XXYLT1: variants seen among roughly 807,000 people sequenced by gnomAD.
XXYLT1 encodes the protein UDP-xylose:alpha-xyloside alpha-1,3-xylosyltransferase.
In XXYLT1, 20 loss-of-function variants were observed where a neutral mutation model predicts 28.9. The ratio of observed to expected loss-of-function variants is 0.69; its 90% confidence interval spans 0.49 to 1.00. XXYLT1 has a LOEUF of 1.00. XXYLT1 is among the 50% of genes least tolerant of loss of function. XXYLT1 has a pLI of 0.00. For synonymous variants in XXYLT1, 257 were observed against 253.8 expected (o/e 1.01, Z -0.12); for missense variants, 542 against 560.1 (o/e 0.97, Z 0.33).
intron 3 of XXYLT1, among the ~76,000 whole-genome samples, chr3:195,087,997 C>T (rs1009909890): frequency 2.0e-5 from 3 of 151,908 alleles, no homozygotes. Flanking sequence ...AAACGGCGCA[C>T]CACGAGATTA....
At chr3:195,203,227 T>C (rs59517496) in intron 2 of XXYLT1, among the ~76,000 whole-genome samples, 3,017 of 152,238 alleles carry the variant, frequency 0.02, 107 homozygotes, top group African/African-American at 0.066. Context: ...ACAGAGCTCC[T>C]TGAAATTACT....
intron 3 of XXYLT1, among the ~76,000 whole-genome samples, chr3:195,098,247 G>A (rs966243148): frequency 2.5e-4 from 38 of 152,308 alleles, no homozygotes; most frequent in Middle Eastern, 3.4e-3. Context: ...GCCAGTGACT[G>A]TACACTTCAA....
Position 195,074,053 on chromosome 3 carries a change from AC to A in XXYLT1, c.786-3943del, listed in dbSNP as rs1714978809. 1.3e-5 allele frequency among the ~76,000 whole-genome samples: 2 copies of A among 151,698 alleles called. 1 individual carries two copies. Among genetic ancestry groups the A allele is most frequent in the South Asian group, 4.2e-4 (2 of 4,802 alleles). ...CCACCTCCTCCTCCCACCACTCCAA[AC>A]CACAGGCCCTTTTGCCTCCGACTCT... On this transcript the variant is annotated intron_variant, in intron 3 of 3. Transcript: ENST00000310380.
chr3:195,150,014 A>G lies in XXYLT1; in HGVS notation c.785+6435T>C, dbSNP rs141368034. On this transcript the variant is annotated intron_variant, in intron 3 of 3. Transcript: ENST00000310380. The surrounding 1 kb of genome is among the most constrained non-coding windows in gnomAD (Gnocchi z 4.7). ...GGGGTTAAGATGCTGAGAAGCCAAA[A>G]GATGAGCAATAATTTTGCTAAGTTG... 6.6e-6 allele frequency among the ~76,000 whole-genome samples: 1 copy of G among 152,310 alleles called. No individual in the cohort carries two copies. The highest frequency in any genetic ancestry group is 2.4e-5 in the African/African-American group (1 of 41,584).
chr3:195,127,631 G>T (rs1718703231), intron 3 of XXYLT1, among the ~76,000 whole-genome samples: 1 of 152,046 alleles, frequency 6.6e-6, no homozygotes, highest in South Asian at 2.1e-4. Context: ...AAAACAATTT[G>T]CTGGGCATGG....
At chr3:195,184,504 T>A in intron 2 of XXYLT1, 1 of 584,616 alleles carries the variant, frequency 1.7e-6, no homozygotes, top group Non-Finnish European at 2.2e-6. Context: ...CTCACCTTGT[T>A]GGCTGACACC....
chr3:195,145,069 C>T (rs965309839), intron 3 of XXYLT1, among the ~76,000 whole-genome samples: 4 of 152,252 alleles, frequency 2.6e-5, no homozygotes, highest in Admixed American at 2.0e-4. Context: ...GTCCTGTTCA[C>T]TGCTACCCAA....
chr3:195,110,652 GTGGTGTGT>G (rs1435980259), intron 3 of XXYLT1, among the ~76,000 whole-genome samples: 54 of 106,658 alleles, frequency 5.1e-4, no homozygotes, highest in Admixed American at 9.0e-4. Context: ...ATAAGTGTGT[GTGGTGTGT>G]TGTGTGTGGT....
chr3:195,099,091 G>A (rs1044032755), intron 3 of XXYLT1, among the ~76,000 whole-genome samples: 1 of 152,156 alleles, frequency 6.6e-6, no homozygotes, highest in Non-Finnish European at 1.5e-5. Flanking sequence ...TGTAATTAAC[G>A]TGGAATGTAC....
At chr3:195,165,552 A>C (rs1251167184) in intron 2 of XXYLT1, among the ~76,000 whole-genome samples, 1 of 152,240 alleles carries the variant, frequency 6.6e-6, no homozygotes, top group Non-Finnish European at 1.5e-5. Context: ...TTATGAGTCC[A>C]GAAATACCTC....
Position 195,189,602 on chromosome 3 carries a change from C to G in XXYLT1, c.653-33021G>C, listed in dbSNP as rs528183155. 2.0e-5 allele frequency among the ~76,000 whole-genome samples: 3 copies of G among 152,164 alleles called. No individual in the cohort carries two copies. In the South Asian group the frequency reaches 6.2e-4, roughly 32 times the overall value. On this transcript the variant is annotated intron_variant, in intron 2 of 3. Transcript: ENST00000310380. Reference sequence around the variant, plus strand: ...CACTAAAGGGACTCAATGGAAGATTCAAGATGGCAAAAGAATCAATGAACT... The same window carrying G: ...CACTAAAGGGACTCAATGGAAGATTGAAGATGGCAAAAGAATCAATGAACT...
intron 3 of XXYLT1, chr3:195,122,228 G>T: frequency 1.4e-6 from 1 of 700,720 alleles, no homozygotes; most frequent in South Asian, 1.5e-5. Context: ...CCCACCTCCT[G>T]ATACCATCAC....
chr3:195,117,550 T>G (rs1718111631), intron 3 of XXYLT1, among the ~76,000 whole-genome samples: 1 of 152,202 alleles, frequency 6.6e-6, no homozygotes, highest in Non-Finnish European at 1.5e-5. Flanking sequence ...TAAGCACAGA[T>G]AAACATATGG....
At chr3:195,090,354 G>C (rs1397528941) in intron 3 of XXYLT1, among the ~76,000 whole-genome samples, 1 of 151,280 alleles carries the variant, frequency 6.6e-6, no homozygotes, top group African/African-American at 2.5e-5. Flanking sequence ...AATCAAACTA[G>C]AACTCAGGAT....
intron 2 of XXYLT1, among the ~76,000 whole-genome samples, chr3:195,182,751 C>T (rs1722014022): frequency 6.6e-6 from 1 of 152,094 alleles, no homozygotes; most frequent in Admixed American, 6.6e-5. Flanking sequence ...CATTTTTCAT[C>T]CCTTTATGTG....
intron 3 of XXYLT1, chr3:195,152,292 T>C (rs942883821): frequency 6.6e-6 from 1 of 152,388 alleles, no homozygotes; most frequent in Admixed American, 6.6e-5. Flanking sequence ...ACTAAACACA[T>C]CACCACTGAG....
intron 2 of XXYLT1, chr3:195,214,817 T>C (rs1216575266): frequency 2.0e-5 from 3 of 152,148 alleles, no homozygotes; most frequent in South Asian, 2.1e-4. Context: ...TATACTAAAA[T>C]TGGAACGATA....
intron 3 of XXYLT1, among the ~76,000 whole-genome samples, chr3:195,099,628 A>C (rs552537251): frequency 6.6e-6 from 1 of 152,232 alleles, no homozygotes; most frequent in East Asian, 1.9e-4. Flanking sequence ...CAGAAGATCA[A>C]GACCATCCTG....
chr3:195,154,435 C>T (rs527287211), intron 3 of XXYLT1, among the ~76,000 whole-genome samples: 6 of 152,056 alleles, frequency 3.9e-5, no homozygotes, highest in Non-Finnish European at 7.4e-5. Context: ...AACAAACCAT[C>T]TGGTAAAGAA....
Sources: allele counts gnomAD v4.1 joint callset (sites outside exome capture counted in the v4.1 genomes callset), GRCh38; gene constraint gnomAD v4.1.1; non-coding constraint Gnocchi (gnomAD v3.1); transcripts MANE v1.5; gene names NCBI Gene and HGNC (gene_info 2026-07-23, HGNC 2026-07-21).